The following LRP2 variants were observed in gnomAD, a reference collection of about 807,000 sequenced individuals.
LRP2 encodes the protein LDL receptor related protein 2.
In LRP2, 172 loss-of-function variants were observed where a neutral mutation model predicts 531.0. The observed-to-expected ratio is 0.32, with a 90% CI of 0.29 to 0.37. LRP2 has a LOEUF of 0.37. Among genes scored for constraint, LRP2 ranks in the 10% least tolerant of loss-of-function variants. The pLI is 1.00. For missense variants in LRP2, 5,167 were observed against 5,868.3 expected, an observed-to-expected ratio of 0.88 and a Z score of 3.90; for synonymous variants, 1,992 against 2,027.6, an observed-to-expected ratio of 0.98 and a Z score of 0.47.
At chr2:169,168,841 T>C (rs1260988847) in intron 60 of LRP2, among the ~76,000 whole-genome samples, 165 bp from the exon 61 acceptor site, 1 of 152,218 alleles carries the variant, frequency 6.6e-6, no homozygotes, top group African/African-American at 2.4e-5. Flanking sequence ...GGACTATGTC[T>C]TAAGGGCAGT....
Position 169,235,839 on chromosome 2 carries a change from C to A in LRP2, c.4920+1G>T. ...TTTGGTTTTCCTCACCACCAACTTA[C>A]CAAATCACTGGCTATCACCTGTCTC... On this transcript the variant is annotated splice_donor_variant, in intron 29 of 78. Transcript: ENST00000649046. LOFTEE classifies it high-confidence loss of function. 6.2e-7 allele frequency: 1 copy of A among 1,613,062 alleles called. No individual in the cohort carries two copies. The highest frequency in any genetic ancestry group is 8.5e-7 in the Non-Finnish European group (1 of 1,179,058).
intron 45 of LRP2, among the ~76,000 whole-genome samples, chr2:169,197,697 G>T (rs777129935): frequency 2.6e-4 from 40 of 152,196 alleles, no homozygotes; most frequent in Admixed American, 2.4e-3. Flanking sequence ...GATATCTGAT[G>T]ATTTGCCAGG....
chr2:169,231,868 C>A lies in LRP2; in HGVS notation c.5099-26G>T, dbSNP rs911542586. The A allele has an allele frequency of 3.7e-6, 6 of 1,612,492 alleles. No individual in the cohort carries two copies. The African/African-American group carries it at 8.0e-5, about 22-fold the overall frequency. ...CTGCATGAGAAAGAGAAGAAAGCAC[C>A]AGTAAGTGGAAAACCTCCACATTAA... On this transcript the variant is annotated intron_variant, in intron 30 of 78. Coordinates refer to ENST00000649046, the MANE Select transcript of LRP2 (RefSeq NM_004525.3).
Position 169,146,823 on chromosome 2 carries a change from G to C in LRP2, c.12727C>G (p.Arg4243Gly). Residue 4243 changes from arginine to glycine, a missense_variant, in exon 69 of 79, where the codon CGA becomes GGA. Transcript: ENST00000649046. Reference protein sequence around the residue: ...GLSIDYLNNDRIYWSDFKEDV... With the variant: ...GLSIDYLNNDGIYWSDFKEDV... ...TCCTTGAAGTCACTCCAGTAGATTC[G>C]GTCATTGTTCAAATAATCGATAGAA... The C allele has an allele frequency of 6.2e-7, 1 of 1,614,030 alleles. No individual in the cohort carries two copies. The highest frequency in any genetic ancestry group is 8.5e-7 in the Non-Finnish European group (1 of 1,180,002).
chr2:169,307,233 G>C, intron 4 of LRP2, 48 bp downstream of exon 4: 1 of 1,246,772 alleles, frequency 8.0e-7, no homozygotes. Context: ...AAATGCCAAA[G>C]GGACAAGGGT....
At chr2:169,245,413 A>G (rs1689970627) in intron 21 of LRP2, among the ~76,000 whole-genome samples, 1 of 152,238 alleles carries the variant, frequency 6.6e-6, no homozygotes, top group Non-Finnish European at 1.5e-5. Context: ...TTAAGGTAAA[A>G]TGCTGTGCTC....
At chr2:169,143,578 G>A (rs1470409937) in intron 70 of LRP2, among the ~76,000 whole-genome samples, 14 of 152,142 alleles carry the variant, frequency 9.2e-5, no homozygotes, top group South Asian at 2.1e-4. Context: ...CCCAGGAGGC[G>A]GAGCTTGCAG....
intron 76 of LRP2, among the ~76,000 whole-genome samples, chr2:169,134,488 C>T (rs1440386645): frequency 6.6e-6 from 1 of 152,128 alleles, no homozygotes; most frequent in African/African-American, 2.4e-5. Context: ...CCCCATATTT[C>T]CTTTTTTCCT....
chr2:169,343,600 T>G (rs1390296361), intron 1 of LRP2, among the ~76,000 whole-genome samples: 2 of 152,266 alleles, frequency 1.3e-5, no homozygotes, highest in East Asian at 3.9e-4. Context: ...TAACACCCAT[T>G]GTATAGTCCA....
At chr2:169,306,351 T>G (rs920210093) in intron 4 of LRP2, among the ~76,000 whole-genome samples, 1 of 151,904 alleles carries the variant, frequency 6.6e-6, no homozygotes, top group Non-Finnish European at 1.5e-5. Flanking sequence ...CTGACCAACA[T>G]GGTGAAATGC....
intron 30 of LRP2, among the ~76,000 whole-genome samples, 180 bp downstream of exon 30, chr2:169,233,231 T>C (rs1321203389): frequency 6.6e-6 from 1 of 152,170 alleles, no homozygotes; most frequent in African/African-American, 2.4e-5. Flanking sequence ...GAAATTTCCA[T>C]GGTAAATAAA....
Position 169,168,569 on chromosome 2 carries a change from C to T in LRP2, c.11605G>A (p.Asp3869Asn), listed in dbSNP as rs766415685. The change falls in exon 61 of 79, where the codon GAT becomes AAT. Residue 3869 changes from aspartate (D) to asparagine (N), a missense_variant. Physicochemically the swap from Asp to Asn is conservative, Grantham distance 23 (BLOSUM62 1). Around this residue, in one of 6 missense-constraint regions of LRP2, gnomAD observed 564 missense variants for 747.7 expected, o/e 0.75. Transcript: ENST00000649046. Reference protein sequence around the residue: ...WKCDGDDDCGDGSDEELHLCL... With the variant: ...WKCDGDDDCGNGSDEELHLCL... ...AGGTGAAGTTCTTCATCTGAACCATCGCCACAGTCATCATCGCCATCACAT... is the reference window on the plus strand; with the variant it reads ...AGGTGAAGTTCTTCATCTGAACCATTGCCACAGTCATCATCGCCATCACAT... 5.1e-5 allele frequency: 82 copies of T among 1,614,036 alleles called. No homozygotes were observed. Among genetic ancestry groups the T allele is most frequent in the Non-Finnish European group, 6.4e-5 (76 of 1,180,018 alleles).
At chr2:169,274,610 G>T (rs1030873623) in intron 14 of LRP2, among the ~76,000 whole-genome samples, 2 of 152,130 alleles carry the variant, frequency 1.3e-5, no homozygotes, top group East Asian at 1.9e-4. Flanking sequence ...GAAAAAAATG[G>T]CTCTGATGCT....
chr2:169,268,871 T>A (rs960225207), intron 16 of LRP2, among the ~76,000 whole-genome samples: 5 of 152,228 alleles, frequency 3.3e-5, no homozygotes, highest in African/African-American at 9.6e-5. Flanking sequence ...CTCAGCCCAA[T>A]ATCTCCTTAA....
chr2:169,243,297 C>G, intron 23 of LRP2, 106 bp downstream of exon 23: 2 of 1,368,736 alleles, frequency 1.5e-6, no homozygotes. Flanking sequence ...GCTCCCCACC[C>G]CCCAACAGGC....
At chr2:169,290,788 T>C in intron 8 of LRP2, 57 bp downstream of exon 8, 7 of 1,577,612 alleles carry the variant, frequency 4.4e-6, no homozygotes, top group Non-Finnish European at 6.1e-6. Context: ...GAACGTCTGT[T>C]CTAGAAAACA....
At chr2:169,277,670 G>T in intron 13 of LRP2, 75 bp downstream of exon 13, 2 of 1,307,026 alleles carry the variant, frequency 1.5e-6, no homozygotes, top group Non-Finnish European at 2.2e-6. Context: ...CTGGTCCTTT[G>T]ATATTTCTCT....
intron 3 of LRP2, among the ~76,000 whole-genome samples, chr2:169,310,371 T>A (rs1225025921): frequency 6.6e-6 from 1 of 152,218 alleles, no homozygotes; most frequent in Non-Finnish European, 1.5e-5. Context: ...TTGAGATACG[T>A]CCCATTGATA....
At chr2:169,344,511 T>C (rs1382890819) in intron 1 of LRP2, among the ~76,000 whole-genome samples, 4 of 152,212 alleles carry the variant, frequency 2.6e-5, no homozygotes, top group South Asian at 2.1e-4. Context: ...TATATTTGTA[T>C]GGTATTTTTA....
Sources: gnomAD v4.1 joint callset for allele counts (sites outside exome capture counted in the v4.1 genomes callset) on GRCh38, gnomAD v4.1.1 for gene constraint, gnomAD v4.1.1 regional missense constraint, MANE v1.5 for transcripts, NCBI Gene and HGNC (gene_info 2026-07-23, HGNC 2026-07-21) for gene names.